The following MDGA1 variants were observed in gnomAD, a reference collection of about 807,000 sequenced individuals.
The protein encoded by MDGA1 is MAM domain containing glycosylphosphatidylinositol anchor 1, also known as MAM domain-containing glycosylphosphatidylinositol anchor protein 1.
MDGA1 carries 54 observed loss-of-function variants against 101.5 expected under a neutral mutation model. That is an observed-to-expected ratio of 0.53 (90% CI 0.43 to 0.67). The LOEUF (loss-of-function observed/expected upper bound fraction) is 0.67. Among genes scored for constraint, MDGA1 ranks in the 30% least tolerant of loss-of-function variants. The probability of loss-of-function intolerance (pLI) is 0.00; values close to 1 mark genes in which losing one functional copy is unlikely to be tolerated. For missense variants in MDGA1, 1,083 were observed against 1,323.8 expected, an observed-to-expected ratio of 0.82 and a Z score of 2.82; for synonymous variants, 533 against 558.3, an observed-to-expected ratio of 0.95 and a Z score of 0.64.
intron 1 of MDGA1, among the ~76,000 whole-genome samples, chr6:37,673,648 G>A (rs566988335): frequency 1.3e-5 from 2 of 152,072 alleles, no homozygotes; most frequent in African/African-American, 2.4e-5. Context: ...CCACAGCCCC[G>A]CTCTCTGCAG....
intron 1 of MDGA1, among the ~76,000 whole-genome samples, chr6:37,672,195 A>T (rs1761884565): frequency 6.6e-6 from 1 of 151,994 alleles, no homozygotes; most frequent in African/African-American, 2.4e-5. Context: ...TCATGCTTGT[A>T]ATCCCAACAT....
intron 1 of MDGA1, among the ~76,000 whole-genome samples, chr6:37,667,369 G>A (rs915587699): frequency 7.2e-5 from 11 of 152,188 alleles, no homozygotes; most frequent in Admixed American, 1.3e-4. Flanking sequence ...TCACCACCTT[G>A]GGCCTCAGTT....
At chr6:37,653,654 G>T (rs1380578521) in intron 6 of MDGA1, among the ~76,000 whole-genome samples, 1 of 152,150 alleles carries the variant, frequency 6.6e-6, no homozygotes, top group Non-Finnish European at 1.5e-5. Flanking sequence ...GAAAAATTTA[G>T]TTTTCTCCTT....
intron 8 of MDGA1, chr6:37,649,726 G>A (rs889870694): frequency 4.0e-5 from 18 of 452,926 alleles, no homozygotes; most frequent in African/African-American, 3.4e-4. Flanking sequence ...GCTGTGGGGG[G>A]TTCAATGAGT....
intron 8 of MDGA1, 149 bp downstream of exon 8, chr6:37,649,960 C>A: frequency 1.2e-6 from 1 of 867,544 alleles, no homozygotes; most frequent in Non-Finnish European, 1.9e-6. Flanking sequence ...TGTCCTACAG[C>A]ATGGGGCTGT....
At chr6:37,642,730 C>T (rs959043586) in intron 14 of MDGA1, among the ~76,000 whole-genome samples, 1 of 152,220 alleles carries the variant, frequency 6.6e-6, no homozygotes, top group African/African-American at 2.4e-5. Flanking sequence ...CCTGTTACCA[C>T]CAGTCTCAGC....
At chr6:37,683,040 T>C (rs1450195710) in intron 1 of MDGA1, among the ~76,000 whole-genome samples, 1 of 152,216 alleles carries the variant, frequency 6.6e-6, no homozygotes, top group African/African-American at 2.4e-5. Context: ...GGAGCAGTCT[T>C]CTAGTCTAGA....
At chr6:37,644,974 C>T (rs534616098) in intron 12 of MDGA1, among the ~76,000 whole-genome samples, 40 of 152,310 alleles carry the variant, frequency 2.6e-4, no homozygotes, top group African/African-American at 9.6e-4. Context: ...AAATATTTTT[C>T]AATTTGTTAT....
chr6:37,664,177 C>T, intron 1 of MDGA1, 71 bp from the exon 2 acceptor site: 1 of 1,592,168 alleles, frequency 6.3e-7, no homozygotes, highest in African/African-American at 1.3e-5. Context: ...GGGGCTCCCT[C>T]CTGAGTGTAT....
intron 1 of MDGA1, among the ~76,000 whole-genome samples, chr6:37,687,578 A>G (rs529592607): frequency 6.6e-6 from 1 of 151,906 alleles, no homozygotes; most frequent in South Asian, 2.1e-4. Flanking sequence ...AATGAAATCA[A>G]TTTTGCTGGT....
chr6:37,690,752 G>T (rs1001283573), intron 1 of MDGA1, among the ~76,000 whole-genome samples: 1 of 147,280 alleles, frequency 6.8e-6, no homozygotes, highest in Non-Finnish European at 1.5e-5. Flanking sequence ...ACTCCAGCCT[G>T]GGTAACCGAG....
intron 1 of MDGA1, among the ~76,000 whole-genome samples, chr6:37,667,658 G>A (rs1326497435): frequency 6.6e-6 from 1 of 152,206 alleles, no homozygotes; most frequent in African/African-American, 2.4e-5. Flanking sequence ...AGACCAAGAG[G>A]CCTGGGGTGC....
rs1554135565 is a variant in MDGA1 at position 37,668,264 on chromosome 6, A to AAAG, written c.68-4159_68-4158insCTT. ...AGATTCTGTCTAAAAAAAAAAAAAA[A>AAAG]GGTGATCCAGCTCCCTTTGATGACC... is the stretch of plus-strand genomic sequence containing the variant. On this transcript the variant is annotated intron_variant, in intron 1 of 16. Coordinates refer to ENST00000434837, the MANE Select transcript of MDGA1 (RefSeq NM_153487.4). 5.3e-3 allele frequency among the ~76,000 whole-genome samples: 800 copies of AAAG among 149,852 alleles called. 13 individuals carry two copies. The highest frequency in any genetic ancestry group is 0.018 in the African/African-American group (726 of 40,658).
At chr6:37,680,842 A>G (rs1450247030) in intron 1 of MDGA1, among the ~76,000 whole-genome samples, 5 of 152,242 alleles carry the variant, frequency 3.3e-5, no homozygotes, top group African/African-American at 9.6e-5. Flanking sequence ...CGCCTGGCGC[A>G]GGCCCCAGTG....
rs1420581013 is a variant in MDGA1, at chr6:37,696,597, C to T, written c.67+148G>A. ...GTTCCGAAGCAGCTAGCTCGGTCTC[C>T]ACGCGCCCTGGAGAGGGCGGGGACG... is the stretch of plus-strand genomic sequence containing the variant. On this transcript the variant is annotated intron_variant, in intron 1 of 16. Coordinates refer to ENST00000434837, the MANE Select transcript of MDGA1 (RefSeq NM_153487.4). The surrounding 1 kb of genome is among the most constrained non-coding windows in gnomAD (Gnocchi z 5.6). The T allele has an allele frequency of 1.9e-5, 14 of 753,930 alleles. No individual in the cohort carries two copies. The Admixed American group carries it at 3.3e-4, about 18-fold the overall frequency. The allele number at this position is 753,930 out of a possible 1,614,324, so 46.7% of individuals were successfully genotyped here. A position where few individuals can be genotyped will look rare whatever the true frequency, so the allele number is the denominator to read the frequency against.
At chr6:37,654,739 T>C (rs1761443648) in intron 5 of MDGA1, 61 bp downstream of exon 5, 2 of 1,604,304 alleles carry the variant, frequency 1.2e-6, no homozygotes, top group Admixed American at 1.7e-5. Context: ...GGTGGGGCAC[T>C]ATCTCCTGGT....
chr6:37,633,898 C>A lies in MDGA1; in HGVS notation c.*3470G>T, dbSNP rs1278890717. Reference sequence around the variant, plus strand: ...GACCTTGGGCCACTCCCCTTCCCCACTCTGGGCTTCAGCTTCTTCATCTGC... The same window carrying A: ...GACCTTGGGCCACTCCCCTTCCCCAATCTGGGCTTCAGCTTCTTCATCTGC... On this transcript the variant is annotated 3_prime_UTR_variant, in exon 17 of 17. Coordinates refer to ENST00000434837, the MANE Select transcript of MDGA1 (RefSeq NM_153487.4). 1 of 152,516 alleles carries A rather than the reference C, an allele frequency of 6.6e-6. No homozygotes were observed. The highest frequency in any genetic ancestry group is 1.5e-5 in the Non-Finnish European group (1 of 68,288). 9.4% of individuals were successfully genotyped at this position (152,516 alleles called of 1,614,324 possible).
chr6:37,658,690 G>A (rs546103254), intron 2 of MDGA1, among the ~76,000 whole-genome samples: 178 of 152,316 alleles, frequency 1.2e-3, no homozygotes, highest in Non-Finnish European at 1.9e-3. Context: ...GCATGGATTC[G>A]GCCGGGCACG....
chr6:37,687,043 A>C (rs183369011), intron 1 of MDGA1, among the ~76,000 whole-genome samples: 189 of 152,290 alleles, frequency 1.2e-3, no homozygotes, highest in African/African-American at 4.5e-3. Context: ...TGCATTGGGC[A>C]GTCTTGAGTT....
Sources: gnomAD v4.1 joint callset for allele counts (sites outside exome capture counted in the v4.1 genomes callset) on GRCh38, gnomAD v4.1.1 for gene constraint, Gnocchi (gnomAD v3.1) non-coding constraint, MANE v1.5 for transcripts, NCBI Gene and HGNC (gene_info 2026-07-23, HGNC 2026-07-21) for gene names.